The following SUFU variants were observed in gnomAD, a reference collection of about 807,000 sequenced individuals.
The protein encoded by SUFU is SUFU negative regulator of hedgehog signaling, also known as suppressor of fused homolog.
Under a neutral mutation model 58.9 loss-of-function variants are expected in SUFU, and 7 were observed. The observed-to-expected ratio is 0.12, with a 90% CI of 0.07 to 0.22. The LOEUF (loss-of-function observed/expected upper bound fraction) is 0.22. Ranked by LOEUF, SUFU falls within the 10% of genes least tolerant of loss-of-function variation. The pLI, the probability that SUFU is intolerant of heterozygous loss-of-function variation, is 1.00. For missense variants in SUFU, 451 were observed against 641.3 expected (o/e 0.70, Z 3.20); for synonymous variants, 232 against 254.8 (o/e 0.91, Z 0.85).
At chr10:102,573,237 G>A (rs1476374859) in intron 3 of SUFU, 1 of 695,924 alleles carries the variant, frequency 1.4e-6, no homozygotes, top group African/African-American at 1.8e-5. Flanking sequence ...TTGTGAAAAG[G>A]GCCTCCATTT....
intron 2 of SUFU, among the ~76,000 whole-genome samples, chr10:102,536,932 T>C (rs150865401): frequency 6.6e-6 from 1 of 151,980 alleles, no homozygotes; most frequent in African/African-American, 2.4e-5. Context: ...TGCCTCAGCC[T>C]CCCGAATAGC....
intron 2 of SUFU, among the ~76,000 whole-genome samples, chr10:102,542,278 G>A (rs2062811126): frequency 6.6e-6 from 1 of 150,516 alleles, no homozygotes; most frequent in Admixed American, 6.6e-5. Context: ...GATTACAGGT[G>A]CACGCCACCA....
At chr10:102,546,434 T>C (rs1403750282) in intron 2 of SUFU, among the ~76,000 whole-genome samples, 1 of 152,224 alleles carries the variant, frequency 6.6e-6, no homozygotes, top group African/African-American at 2.4e-5. Flanking sequence ...AGTAGACTTC[T>C]GTGTTAGAAA....
At chr10:102,589,726 G>A (rs7072723) in intron 3 of SUFU, among the ~76,000 whole-genome samples, 68,920 of 151,862 alleles carry the variant, frequency 0.45, 16,024 homozygotes, top group East Asian at 0.68. Context: ...GATTAGAGGC[G>A]TGAGCCACCA....
intron 3 of SUFU, among the ~76,000 whole-genome samples, chr10:102,586,150 G>T (rs929749732): frequency 6.6e-5 from 10 of 151,886 alleles, no homozygotes; most frequent in African/African-American, 2.2e-4. Flanking sequence ...CTCCCAAAGT[G>T]CTGGGATTAC....
At position 102,628,344 on chromosome 10, in the gene SUFU, TCTC is replaced by T. The variant is rs571501568; in HGVS notation, c.1365+1105_1365+1107del. Among the ~76,000 whole-genome samples, 37 of 152,140 alleles carry T rather than the reference TCTC, an allele frequency of 2.4e-4. No individual in the cohort carries two copies. The highest frequency in any genetic ancestry group is 5.3e-4 in the Non-Finnish European group (36 of 68,036). On this transcript the variant is annotated intron_variant, in intron 11 of 11. Coordinates refer to ENST00000369902, the MANE Select transcript of SUFU (RefSeq NM_016169.4). The surrounding 1 kb of genome is among the most constrained non-coding windows in gnomAD (Gnocchi z 4.5). ...CCAGGGTCACCTCAATAGAGCAGGG[TCTC>T]CTCTGTCCTCTGGGATGCAGCTTGA... is the stretch of plus-strand genomic sequence containing the variant.
intron 3 of SUFU, among the ~76,000 whole-genome samples, chr10:102,556,080 C>T (rs1423428396): frequency 6.6e-6 from 1 of 152,184 alleles, no homozygotes; most frequent in Non-Finnish European, 1.5e-5. Context: ...ATCTAAGTGA[C>T]ATCCGCAGTC....
chr10:102,613,137 A>C (rs1407123627), intron 8 of SUFU, among the ~76,000 whole-genome samples: 5 of 152,154 alleles, frequency 3.3e-5, no homozygotes, highest in Non-Finnish European at 7.4e-5. Flanking sequence ...ACGCACGGTG[A>C]GGGGGGACGC....
intron 9 of SUFU, among the ~76,000 whole-genome samples, chr10:102,616,683 T>A (rs1193426233): frequency 2.0e-4 from 31 of 152,218 alleles, no homozygotes. Flanking sequence ...AGACTAGGGA[T>A]TAACAGTAAC....
At chr10:102,611,981 C>G (rs2063628825) in intron 8 of SUFU, among the ~76,000 whole-genome samples, 1 of 152,166 alleles carries the variant, frequency 6.6e-6, no homozygotes, top group Admixed American at 6.5e-5. Flanking sequence ...GAAAACAGCC[C>G]AGCTGAAAAA....
Position 102,566,139 on chromosome 10 carries a change from A to G in SUFU, c.454+16033A>G, listed in dbSNP as rs149822434. On this transcript the variant is annotated intron_variant, in intron 3 of 11. Transcript: ENST00000369902. ...TAGAGTGTTCAGCGAAGAGGGCTGG[A>G]AAAGAACATGGCTGAGAGCAGGAAT... Among the ~76,000 whole-genome samples, 509 of 152,318 alleles carry G rather than the reference A, an allele frequency of 3.3e-3. 4 individuals are homozygous for G. The highest frequency in any genetic ancestry group is 0.012 in the African/African-American group (489 of 41,576).
At chr10:102,607,997 G>T (rs1236169142) in intron 8 of SUFU, among the ~76,000 whole-genome samples, 1 of 151,050 alleles carries the variant, frequency 6.6e-6, no homozygotes, top group Admixed American at 6.6e-5. Flanking sequence ...GGCTGAGGTG[G>T]GTGGATCACC....
At chr10:102,532,378 G>T (rs1256680496) in intron 2 of SUFU, among the ~76,000 whole-genome samples, 1 of 152,214 alleles carries the variant, frequency 6.6e-6, no homozygotes, top group Non-Finnish European at 1.5e-5. Flanking sequence ...TTCTGTTGCT[G>T]CAAATCAGCA....
intron 2 of SUFU, among the ~76,000 whole-genome samples, chr10:102,518,861 CG>C (rs2062508311): frequency 6.6e-6 from 1 of 150,904 alleles, no homozygotes; most frequent in Admixed American, 6.6e-5. Flanking sequence ...AGGGTCTGGC[CG>C]GGTGCGGTGG....
At position 102,506,117 on chromosome 10, in the gene SUFU, G is replaced by GA. The variant is rs1349998037; in HGVS notation, c.182+1784dup. 2.0e-5 allele frequency among the ~76,000 whole-genome samples: 3 copies of GA among 151,112 alleles called. No homozygotes were observed. The East Asian group carries it at 5.8e-4, about 29-fold the overall frequency. The stretch of plus-strand genomic sequence containing the variant: ...GTTTGTTCAGGCCTCATTTGAGTGT[G>GA]AGGAGAAATCCCTACACAGATTCAG... On this transcript the variant is annotated intron_variant, in intron 1 of 11. Coordinates refer to ENST00000369902, the MANE Select transcript of SUFU (RefSeq NM_016169.4).
intron 2 of SUFU, among the ~76,000 whole-genome samples, 190 bp downstream of exon 2, chr10:102,509,493 A>G (rs2062373446): frequency 6.6e-6 from 1 of 152,196 alleles, no homozygotes; most frequent in African/African-American, 2.4e-5. Flanking sequence ...CTAGTGCAGG[A>G]AAGTCTTGAT....
Position 102,629,176 on chromosome 10 carries a change from G to C in SUFU, c.1366-890G>C, listed in dbSNP as rs991798102. 3.3e-5 allele frequency among the ~76,000 whole-genome samples: 5 copies of C among 152,184 alleles called. No homozygotes were observed. Among genetic ancestry groups the C allele is most frequent in the Non-Finnish European group, 7.3e-5 (5 of 68,036 alleles). The stretch of plus-strand genomic sequence containing the variant: ...CGTCTCAAAAGAAAAAGAAAAGACA[G>C]ACCCTGTGTCTAAGTTCCGGTATCA... On this transcript the variant is annotated intron_variant, in intron 11 of 11. Coordinates refer to ENST00000369902, the MANE Select transcript of SUFU (RefSeq NM_016169.4). The surrounding 1 kb of genome is among the most constrained non-coding windows in gnomAD (Gnocchi z 4.7).
rs546752531 is a variant in SUFU, at chr10:102,553,005, T to C, written c.454+2899T>C. The stretch of plus-strand genomic sequence containing the variant: ...TGTGCTCTGAGGCCCTTTCTGTACC[T>C]GATGGCCCCACTTATGGTCGTTATA... On this transcript the variant is annotated intron_variant, in intron 3 of 11. Transcript: ENST00000369902. 3.3e-5 allele frequency among the ~76,000 whole-genome samples: 5 copies of C among 152,332 alleles called. No individual in the cohort carries two copies. In the South Asian group the frequency reaches 1.0e-3, roughly 32 times the overall value.
chr10:102,571,514 AAACAAAAC>A (rs2063160270), intron 3 of SUFU, among the ~76,000 whole-genome samples: 1 of 151,772 alleles, frequency 6.6e-6, no homozygotes, highest in Non-Finnish European at 1.5e-5. Flanking sequence ...AAAAACAAAC[AAACAAAAC>A]AAACAAACAA....
Sources: gnomAD v4.1 joint callset for allele counts (sites outside exome capture counted in the v4.1 genomes callset) on GRCh38, gnomAD v4.1.1 for gene constraint, Gnocchi (gnomAD v3.1) non-coding constraint, MANE v1.5 for transcripts, NCBI Gene and HGNC (gene_info 2026-07-23, HGNC 2026-07-21) for gene names.